EPS8: variants seen among roughly 807,000 people sequenced by gnomAD.
The protein encoded by EPS8 is EGFR pathway substrate 8, signaling adaptor.
EPS8 carries 42 observed loss-of-function variants against 103.8 expected under a neutral mutation model. The ratio of observed to expected loss-of-function variants is 0.40; its 90% CI spans 0.32 to 0.52. EPS8 has a LOEUF of 0.52. EPS8 is among the 20% of genes least tolerant of loss of function. EPS8 has a pLI of 0.40. For synonymous variants in EPS8, 344 were observed against 344.6 expected (o/e 1.00, Z 0.02); for missense variants, 969 against 1,005.1 (o/e 0.96, Z 0.49).
At position 15,622,852 on chromosome 12, in the gene EPS8, C is replaced by A. The variant is rs12814229; in HGVS notation, c.2355+306G>T. On this transcript the variant is annotated intron_variant, in intron 20 of 20. Coordinates refer to ENST00000281172, the MANE Select transcript of EPS8 (RefSeq NM_004447.6). ...CTTAAGGCTCTTACTCACTCAGAAG[C>A]TAATTTCCATTGTTATGTCAAAATT... is the stretch of plus-strand genomic sequence containing the variant. Among the ~76,000 whole-genome samples the A allele has an allele frequency of 0.14, 21,241 of 151,686 alleles. 1,928 individuals carry two copies. Among genetic ancestry groups the A allele is most frequent in the Middle Eastern group, 0.23 (67 of 292 alleles).
At chr12:15,634,815 T>G in intron 17 of EPS8, 1 of 398,498 alleles carries the variant, frequency 2.5e-6, no homozygotes, top group East Asian at 3.6e-5. Context: ...ATACAGGAAA[T>G]GGAATTAAAA....
chr12:15,640,968 G>T, intron 16 of EPS8, 122 bp from the exon 17 acceptor site: 1 of 748,154 alleles, frequency 1.3e-6, no homozygotes, highest in Non-Finnish European at 2.2e-6. Flanking sequence ...CATCAACATA[G>T]TGTTGATTGA....
chr12:15,676,555 GAA>G (rs1945912195), intron 3 of EPS8, among the ~76,000 whole-genome samples: 1 of 152,130 alleles, frequency 6.6e-6, no homozygotes, highest in South Asian at 2.1e-4. Context: ...TTGTCCCCAA[GAA>G]GAGATTACAG....
chr12:15,664,051 T>A (rs1448489207), intron 8 of EPS8, among the ~76,000 whole-genome samples: 3 of 148,112 alleles, frequency 2.0e-5, no homozygotes, highest in East Asian at 3.9e-4. Context: ...TCAACATATA[T>A]TTTTACAGGT....
intron 18 of EPS8, among the ~76,000 whole-genome samples, chr12:15,628,357 C>CA (rs1318536013): frequency 6.6e-6 from 1 of 152,066 alleles, no homozygotes; most frequent in South Asian, 2.1e-4. Context: ...CCAGGAAGGA[C>CA]AAAAAAACCT....
At chr12:15,662,308 T>C (rs757915059) in intron 8 of EPS8, 14 of 1,324,040 alleles carry the variant, frequency 1.1e-5, no homozygotes, top group African/African-American at 1.5e-5. Flanking sequence ...TAAGTATTAG[T>C]CCTCTCAACT....
chr12:15,722,918 C>T (rs1946612840), intron 1 of EPS8, among the ~76,000 whole-genome samples: 2 of 151,614 alleles, frequency 1.3e-5, no homozygotes, highest in Non-Finnish European at 2.9e-5. Flanking sequence ...TGTGGAGCGA[C>T]ACATTCAGAC....
At chr12:15,639,762 A>AT (rs1423395561) in intron 17 of EPS8, among the ~76,000 whole-genome samples, 1 of 152,138 alleles carries the variant, frequency 6.6e-6, no homozygotes, top group Non-Finnish European at 1.5e-5. Flanking sequence ...GACAATCTGT[A>AT]TTTTTTTAAG....
Position 15,777,586 on chromosome 12 carries a change from T to C in EPS8, c.-22+11575A>G, listed in dbSNP as rs1471105635. On this transcript the variant is annotated intron_variant, in intron 1 of 20. Transcript: ENST00000281172. This position sits in a 1 kb window ranked among gnomAD's most constrained non-coding sequence, Gnocchi z 4.7. The stretch of plus-strand genomic sequence containing the variant: ...TTAACCTTCACTGTCATAACCACTA[T>C]GAATGTCTCTTTTATTCAGACTTCT... Among the ~76,000 whole-genome samples the C allele has an allele frequency of 1.3e-5, 2 of 152,206 alleles. No homozygotes were observed. The highest frequency in any genetic ancestry group is 2.4e-5 in the African/African-American group (1 of 41,448).
At chr12:15,753,858 A>G (rs1468061838) in intron 1 of EPS8, among the ~76,000 whole-genome samples, 2 of 152,240 alleles carry the variant, frequency 1.3e-5, no homozygotes, top group East Asian at 3.8e-4. Flanking sequence ...TTAAAAGCCA[A>G]ATTTAAACAA....
At chr12:15,719,338 C>G (rs1946569168) in intron 1 of EPS8, among the ~76,000 whole-genome samples, 1 of 152,092 alleles carries the variant, frequency 6.6e-6, no homozygotes, top group Admixed American at 6.5e-5. Context: ...TTAGAAAAAG[C>G]TGTGCAAACA....
chr12:15,680,952 T>C (rs1945994615), intron 3 of EPS8, among the ~76,000 whole-genome samples: 1 of 151,956 alleles, frequency 6.6e-6, no homozygotes, highest in South Asian at 2.1e-4. Context: ...AAGTAGTAAA[T>C]GGGAAAAGCC....
At chr12:15,643,094 C>G (rs894769713) in intron 15 of EPS8, among the ~76,000 whole-genome samples, 2 of 152,104 alleles carry the variant, frequency 1.3e-5, no homozygotes, top group Non-Finnish European at 2.9e-5. Context: ...GCTCTGCTTT[C>G]ATTTACTTTA....
At chr12:15,699,031 C>A (rs988178398) in intron 1 of EPS8, among the ~76,000 whole-genome samples, 1 of 152,146 alleles carries the variant, frequency 6.6e-6, no homozygotes, top group Non-Finnish European at 1.5e-5. Flanking sequence ...TGGCTCACCA[C>A]AACCTACAAA....
chr12:15,665,679 C>T (rs1945695119), intron 8 of EPS8, 77 bp downstream of exon 8: 3 of 1,515,914 alleles, frequency 2.0e-6, no homozygotes, highest in Admixed American at 3.6e-5. Context: ...CTGAAATCAG[C>T]ATCAGAATTT....
intron 17 of EPS8, among the ~76,000 whole-genome samples, chr12:15,637,701 T>TGTTTAACTAATCTAAAATATTTTGTTAAA (rs1945160556): frequency 6.6e-6 from 1 of 152,220 alleles, no homozygotes; most frequent in Non-Finnish European, 1.5e-5. Flanking sequence ...TGTTAAAGTT[T>TGTTTAACTAATCTAAAATATTTTGTTAAA]CTTTATATTT....
intron 1 of EPS8, among the ~76,000 whole-genome samples, chr12:15,715,447 T>G (rs1376474709): frequency 6.7e-6 from 1 of 148,454 alleles, no homozygotes; most frequent in Non-Finnish European, 1.5e-5. Context: ...GGCTGGAGTG[T>G]GCAGTGGCAC....
intron 1 of EPS8, among the ~76,000 whole-genome samples, chr12:15,737,578 C>T (rs1946778827): frequency 6.6e-6 from 1 of 152,052 alleles, no homozygotes; most frequent in Non-Finnish European, 1.5e-5. Flanking sequence ...CTATTATTAT[C>T]CTAAATTAAC....
intron 17 of EPS8, among the ~76,000 whole-genome samples, chr12:15,639,859 G>A (rs1945198744): frequency 6.6e-6 from 1 of 152,174 alleles, no homozygotes. Flanking sequence ...GAGGTCAGAT[G>A]TGATCTTTTT....
Sources: allele counts gnomAD v4.1 joint callset (sites outside exome capture counted in the v4.1 genomes callset), GRCh38; gene constraint gnomAD v4.1.1; non-coding constraint Gnocchi (gnomAD v3.1); transcripts MANE v1.5; gene names NCBI Gene and HGNC (gene_info 2026-07-23, HGNC 2026-07-21).